IGSF10: variants seen among roughly 807,000 people sequenced by gnomAD.
IGSF10 encodes immunoglobulin superfamily member 10.
Under a neutral mutation model 128.2 loss-of-function variants are expected in IGSF10, and 126 were observed. That is an observed-to-expected ratio of 0.98 (90% confidence interval 0.85 to 1.14). The LOEUF (loss-of-function observed/expected upper bound fraction) is 1.14, where lower values mean the gene tolerates loss of function less well. Among genes scored for constraint, IGSF10 ranks in the 50% most tolerant of loss-of-function variants. The pLI, the probability that IGSF10 is intolerant of heterozygous loss-of-function variation, is 0.00. For missense variants in IGSF10, 3,295 were observed against 3,149.8 expected (o/e 1.05, Z -1.10); for synonymous variants, 1,185 against 1,146.2 (o/e 1.03, Z -0.68).
intron 3 of IGSF10, among the ~76,000 whole-genome samples, chr3:151,457,604 G>A (rs990435174): frequency 1.3e-5 from 2 of 152,112 alleles, no homozygotes; most frequent in African/African-American, 4.8e-5. Context: ...GTATGATTAC[G>A]AGCTCAGGCT....
the IGSF10 span, among the ~76,000 whole-genome samples, chr3:151,569,548 A>C: frequency 6.6e-6 from 1 of 152,120 alleles, no homozygotes; most frequent in Admixed American, 6.6e-5. Flanking sequence ...CCATTTAAGT[A>C]GGGGTATTGC....
chr3:151,554,132 T>TCA, the IGSF10 span, among the ~76,000 whole-genome samples: 6,546 of 147,360 alleles, frequency 0.044, 159 homozygotes, highest in African/African-American at 0.059. Context: ...CAGAGTGAGA[T>TCA]CACACACACA....
the IGSF10 span, among the ~76,000 whole-genome samples, chr3:151,607,319 A>C: frequency 6.6e-6 from 1 of 152,168 alleles, no homozygotes; most frequent in South Asian, 2.1e-4. Flanking sequence ...GATAATTCCA[A>C]ATTTATTCTT....
the IGSF10 span, among the ~76,000 whole-genome samples, chr3:151,481,514 C>T: frequency 1.3e-5 from 2 of 152,280 alleles, no homozygotes; most frequent in African/African-American, 2.4e-5. Flanking sequence ...CCCTACCCCT[C>T]AGGGTCAAAA....
chr3:151,437,449 C>T lies in IGSF10; in HGVS notation c.7112G>A (p.Trp2371Ter), dbSNP rs1435033097. Residue 2371 changes from tryptophan to a stop codon, truncating the protein, a stop_gained, in exon 8 of 8, where the codon TGG (tryptophan) becomes TAG (stop). Transcript: ENST00000282466. LOFTEE classifies it low-confidence loss of function (END_TRUNC). ...AAATCGTGTGCCATTTGGTAAAATC[C>T]AGATTATTTCAGGTGGTGGGTTACC... Reference protein sequence around the residue: ...VDGNPPPEIIWILPNGTRFSN... With the variant: ...VDGNPPPEII 1.7e-5 allele frequency: 28 copies of T among 1,614,036 alleles called. No individual in the cohort carries two copies. Among genetic ancestry groups the T allele is most frequent in the Non-Finnish European group, 2.4e-5 (28 of 1,180,040 alleles).
At chr3:151,497,834 G>T in the IGSF10 span, among the ~76,000 whole-genome samples, 1 of 152,024 alleles carries the variant, frequency 6.6e-6, no homozygotes, top group African/African-American at 2.4e-5. Context: ...CCATTTGTTT[G>T]TATCCTCTTT....
In IGSF10 at chr3:151,447,239, C is replaced by T; in HGVS notation, c.2742G>A (p.Glu914=). ...QDSDQMGRGR[E]HFQSRPPITV... ...TTATTGGGGGTCTACTTTGGAAATG[C>T]TCTCTTCCTCTTCCCATCTGGTCAG... is the stretch of plus-strand genomic sequence containing the variant. Residue 914 remains glutamate, a synonymous_variant, in exon 6 of 8, where the codon GAG becomes GAA. Transcript: ENST00000282466. 1 of 1,614,208 alleles carries T rather than the reference C, an allele frequency of 6.2e-7. No homozygotes were observed. Among genetic ancestry groups the T allele is most frequent in the South Asian group, 1.1e-5 (1 of 91,086 alleles).
chr3:151,445,909 G>C lies in IGSF10; in HGVS notation c.4072C>G (p.Pro1358Ala). The C allele has an allele frequency of 6.2e-7, 1 of 1,614,082 alleles. No homozygotes were observed. The highest frequency in any genetic ancestry group is 8.5e-7 in the Non-Finnish European group (1 of 1,180,026). The change falls in exon 6 of 8, where the codon CCA becomes GCA. Residue 1358 changes from proline to alanine, a missense_variant. By Grantham distance (27) the Pro-to-Ala change is conservative. Transcript: ENST00000282466. ...QEPQKKNRTD[P>A]NISPDQSSGF... ...GAACTCTGGTCTGGAGAGATGTTTG[G>C]GTCAGTCCTGTTCTTCTTTTGAGGC...
Position 151,443,163 on chromosome 3 carries a change from T to C in IGSF10, c.5784A>G (p.Arg1928=), listed in dbSNP as rs1297283031. The change falls in exon 7 of 8, where the codon AGA becomes AGG. Residue 1928 remains arginine (R), a synonymous_variant. Transcript: ENST00000282466. ...IATSSTGSER[R]VVMLTMEERV... is the part of the protein sequence containing the mutation. ...GCTCTTCCATTGTAAGCATTACTAC[T>C]CTTCGCTCCGAACCAGTGGAACTGG... 1 of 1,614,266 alleles carries C rather than the reference T, an allele frequency of 6.2e-7. No individual in the cohort carries two copies. Among genetic ancestry groups the C allele is most frequent in the Admixed American group, 1.7e-5 (1 of 60,036 alleles).
chr3:151,460,345 A>C lies in IGSF10; in HGVS notation c.-86T>G, dbSNP rs1002322706. On this transcript the variant is annotated splice_region_variant and 5_prime_UTR_variant, in exon 2 of 8. Transcript: ENST00000282466. ...CCCAGGAAATGGAAAATTGTGTCCA[A>C]ACCTGAGGGAGGAAAAGTTCTCTGC... 2.1e-6 allele frequency: 2 copies of C among 966,186 alleles called. No individual in the cohort carries two copies. Among genetic ancestry groups the C allele is most frequent in the African/African-American group, 3.5e-5 (2 of 56,828 alleles). The allele number at this position is 966,186 out of a possible 1,614,324, so 59.9% of individuals were successfully genotyped here. A position where few individuals can be genotyped will look rare whatever the true frequency, so the allele number is the denominator to read the frequency against.
At chr3:151,554,616 A>G in the IGSF10 span, among the ~76,000 whole-genome samples, 1 of 152,178 alleles carries the variant, frequency 6.6e-6, no homozygotes, top group African/African-American at 2.4e-5. Context: ...TTATAAAGTC[A>G]CATTAAACAT....
the IGSF10 span, among the ~76,000 whole-genome samples, chr3:151,496,191 G>A: frequency 6.3e-5 from 9 of 143,146 alleles, no homozygotes; most frequent in African/African-American, 2.4e-4. Context: ...TTTGTCAGAA[G>A]CTCTGAAGCA....
the IGSF10 span, among the ~76,000 whole-genome samples, chr3:151,583,587 G>A: frequency 5.3e-5 from 8 of 152,202 alleles, no homozygotes; most frequent in South Asian, 2.1e-4. Context: ...GGAGTGGGGC[G>A]AGAGGGGAGG....
chr3:151,469,417 T>C, the IGSF10 span, among the ~76,000 whole-genome samples: 1 of 152,004 alleles, frequency 6.6e-6, no homozygotes, highest in South Asian at 2.1e-4. Flanking sequence ...ATTGGGGCCC[T>C]TTTCAGAAAA....
At chr3:151,519,476 G>A in the IGSF10 span, among the ~76,000 whole-genome samples, 2 of 151,758 alleles carry the variant, frequency 1.3e-5, no homozygotes, top group South Asian at 4.2e-4. Flanking sequence ...TTAAGTTGGG[G>A]GATATATTTT....
At chr3:151,551,716 T>G in the IGSF10 span, among the ~76,000 whole-genome samples, 1 of 151,872 alleles carries the variant, frequency 6.6e-6, no homozygotes, top group African/African-American at 2.4e-5. Flanking sequence ...AAGGCATATT[T>G]GTTGAGGTTT....
the IGSF10 span, among the ~76,000 whole-genome samples, chr3:151,554,332 A>G: frequency 6.6e-6 from 1 of 152,208 alleles, no homozygotes; most frequent in South Asian, 2.1e-4. Context: ...TATATACTTT[A>G]AAAAAGTCAA....
chr3:151,592,221 TACACACAC>T, the IGSF10 span, among the ~76,000 whole-genome samples: 2,120 of 150,436 alleles, frequency 0.014, 16 homozygotes, highest in South Asian at 0.058. Context: ...TTGAGATTAA[TACACACAC>T]ACACACACAC....
chr3:151,607,912 G>GAAAAAAA, the IGSF10 span, among the ~76,000 whole-genome samples: 1 of 42,038 alleles, frequency 2.4e-5, no homozygotes, highest in Non-Finnish European at 4.0e-5. Flanking sequence ...CTCCATCTCG[G>GAAAAAAA]AAAAAAAAAA....
Sources: gnomAD v4.1 joint callset for allele counts (sites outside exome capture counted in the v4.1 genomes callset) on GRCh38, gnomAD v4.1.1 for gene constraint, MANE v1.5 for transcripts, NCBI Gene and HGNC (gene_info 2026-07-23, HGNC 2026-07-21) for gene names.